RAB28: variants seen among roughly 807,000 people sequenced by gnomAD.
The protein encoded by RAB28 is RAB28, member RAS oncogene family.
Under a neutral mutation model 31.7 loss-of-function variants are expected in RAB28, and 24 were observed. The observed-to-expected ratio is 0.76, with a 90% CI of 0.55 to 1.06. RAB28 has a LOEUF of 1.06. Among genes scored for constraint, RAB28 ranks in the 50% least tolerant of loss-of-function variants. RAB28 has a pLI of 0.00. For missense variants in RAB28, 254 were observed against 258.5 expected (o/e 0.98, Z 0.12); for synonymous variants, 100 against 90.4 (o/e 1.11, Z -0.60).
intron 4 of RAB28, among the ~76,000 whole-genome samples, chr4:13,400,303 T>C (rs1170279066): frequency 6.6e-6 from 1 of 152,206 alleles, no homozygotes; most frequent in African/African-American, 2.4e-5. Context: ...ATTCTTATTC[T>C]TGGATTTTTC....
chr4:13,431,580 A>G (rs1054086939), intron 4 of RAB28, among the ~76,000 whole-genome samples: 2 of 152,060 alleles, frequency 1.3e-5, no homozygotes, highest in African/African-American at 4.8e-5. Context: ...CCTCCACACC[A>G]TCAGGCCCAC....
At chr4:13,427,918 G>A (rs945424580) in intron 4 of RAB28, among the ~76,000 whole-genome samples, 4 of 152,082 alleles carry the variant, frequency 2.6e-5, no homozygotes, top group Non-Finnish European at 5.9e-5. Flanking sequence ...TGGGAGCTTC[G>A]GCAAGACTCA....
rs569696878 is a variant in RAB28, at chr4:13,457,613, G to GAA, written c.391+3084_391+3085dup. Among the ~76,000 whole-genome samples the GAA allele has an allele frequency of 8.4e-3, 1,191 of 141,300 alleles. 20 individuals carry two copies. Among genetic ancestry groups the GAA allele is most frequent in the African/African-American group, 0.029 (1,130 of 39,280 alleles). The allele number at this position is 141,300 out of a possible 152,430, so 92.7% of individuals were successfully genotyped here. On this transcript the variant is annotated intron_variant, in intron 4 of 6. Transcript: ENST00000330852. ...ATGCCAAAAGTAAAAAAAGAAAAAA[G>GAA]AAAAAAAAAAACCTCTTGTCTTTTA...
intron 4 of RAB28, among the ~76,000 whole-genome samples, chr4:13,417,544 G>A (rs966506557): frequency 7.9e-5 from 12 of 152,208 alleles, no homozygotes; most frequent in Admixed American, 5.9e-4. Context: ...AGCTTACAGA[G>A]GAAGGATCAG....
At chr4:13,419,470 C>T (rs1005242621) in intron 4 of RAB28, among the ~76,000 whole-genome samples, 1 of 152,220 alleles carries the variant, frequency 6.6e-6, no homozygotes, top group African/African-American at 2.4e-5. Context: ...TCGCATTAAG[C>T]TTATTCCAAA....
intron 6 of RAB28, among the ~76,000 whole-genome samples, chr4:13,376,094 A>G (rs1167652482): frequency 6.6e-6 from 1 of 152,146 alleles, no homozygotes; most frequent in Non-Finnish European, 1.5e-5. Flanking sequence ...TTAGCCTAAG[A>G]AAACTATCTA....
At chr4:13,435,017 C>CAAAAAAAAAAAAAAAAAAAAA (rs991889676) in intron 4 of RAB28, among the ~76,000 whole-genome samples, 2 of 47,042 alleles carry the variant, frequency 4.3e-5, no homozygotes, top group African/African-American at 1.4e-4. Context: ...GACTCCGTCT[C>CAAAAAAAAAAAAAAAAAAAAA]AAAAAAAAAA....
intron 4 of RAB28, among the ~76,000 whole-genome samples, chr4:13,404,183 A>G (rs1434524652): frequency 6.6e-6 from 1 of 152,208 alleles, no homozygotes; most frequent in Non-Finnish European, 1.5e-5. Flanking sequence ...GTTTGAGACC[A>G]GCCTGACCAA....
At chr4:13,427,369 A>G (rs987197268) in intron 4 of RAB28, among the ~76,000 whole-genome samples, 1 of 152,250 alleles carries the variant, frequency 6.6e-6, no homozygotes, top group Admixed American at 6.5e-5. Flanking sequence ...TCACACAATG[A>G]ATGTCAGACA....
intron 4 of RAB28, among the ~76,000 whole-genome samples, chr4:13,417,796 C>A (rs1311482574): frequency 6.6e-6 from 1 of 152,162 alleles, no homozygotes; most frequent in Non-Finnish European, 1.5e-5. Flanking sequence ...TGGGGAGAAA[C>A]CAGAGGAGAA....
At chr4:13,452,344 T>C (rs1364774740) in intron 4 of RAB28, among the ~76,000 whole-genome samples, 1 of 151,980 alleles carries the variant, frequency 6.6e-6, no homozygotes, top group Non-Finnish European at 1.5e-5. Flanking sequence ...TTGCATTCTA[T>C]TTCCTTGAGA....
chr4:13,395,838 T>C (rs1225478163), intron 4 of RAB28, among the ~76,000 whole-genome samples: 2 of 152,068 alleles, frequency 1.3e-5, no homozygotes, highest in Non-Finnish European at 2.9e-5. Context: ...TATATTACAC[T>C]GGCCTGAGGC....
intron 1 of RAB28, among the ~76,000 whole-genome samples, chr4:13,480,696 C>T (rs1301284043): frequency 2.6e-5 from 4 of 151,918 alleles, no homozygotes; most frequent in Admixed American, 6.6e-5. Context: ...AAATACCCAG[C>T]ATTTGTAATA....
intron 4 of RAB28, among the ~76,000 whole-genome samples, chr4:13,428,181 G>A (rs752045768): frequency 1.5e-4 from 23 of 152,206 alleles, no homozygotes; most frequent in Non-Finnish European, 2.9e-4. Flanking sequence ...CCCAGGGCGC[G>A]CCGCCGGGCT....
chr4:13,449,464 T>C (rs927825592), intron 4 of RAB28, among the ~76,000 whole-genome samples: 1 of 151,970 alleles, frequency 6.6e-6, no homozygotes, highest in Non-Finnish European at 1.5e-5. Context: ...TGAAGTTTAC[T>C]TATTTTACTA....
chr4:13,441,954 G>A (rs1031559492), intron 4 of RAB28, among the ~76,000 whole-genome samples: 26 of 152,036 alleles, frequency 1.7e-4, no homozygotes, highest in African/African-American at 6.3e-4. Context: ...GTCACATCAC[G>A]AACTCAATGA....
intron 4 of RAB28, among the ~76,000 whole-genome samples, chr4:13,438,318 TAC>T (rs1415228109): frequency 2.0e-5 from 3 of 152,160 alleles, no homozygotes; most frequent in Non-Finnish European, 2.9e-5. Context: ...TTTTAAAGCG[TAC>T]AGTTTTTAGC....
At chr4:13,429,479 C>T (rs936365929) in intron 4 of RAB28, among the ~76,000 whole-genome samples, 2 of 152,144 alleles carry the variant, frequency 1.3e-5, no homozygotes, top group African/African-American at 4.8e-5. Context: ...TACTTCTATA[C>T]ACTATCAATG....
intron 4 of RAB28, among the ~76,000 whole-genome samples, chr4:13,433,715 G>A (rs1198228784): frequency 6.6e-6 from 1 of 152,046 alleles, no homozygotes; most frequent in African/African-American, 2.4e-5. Context: ...GGTGGGAACG[G>A]AAATTAATTC....
Sources: gnomAD v4.1 joint callset for allele counts (sites outside exome capture counted in the v4.1 genomes callset) on GRCh38, gnomAD v4.1.1 for gene constraint, MANE v1.5 for transcripts, NCBI Gene and HGNC (gene_info 2026-07-23, HGNC 2026-07-21) for gene names.